The following CUX1 variants were observed in gnomAD, a reference collection of about 807,000 sequenced individuals.
The protein encoded by CUX1 is protein CASP.
A neutral mutation model predicts 158.8 loss-of-function variants in CUX1; 31 were observed. The observed-to-expected ratio is 0.20, with a 90% confidence interval of 0.15 to 0.26. The LOEUF is 0.26. CUX1 is among the 10% of genes least tolerant of loss of function. The probability of loss-of-function intolerance (pLI) is 1.00; values close to 1 mark genes in which losing one functional copy is unlikely to be tolerated. For synonymous variants in CUX1, 879 were observed against 862.1 expected, an observed-to-expected ratio of 1.02 and a Z score of -0.34; for missense variants, 1,589 against 2,014.6, an observed-to-expected ratio of 0.79 and a Z score of 4.04.
chr7:102,237,516 G>T (rs1489502899), intron 22 of CUX1, among the ~76,000 whole-genome samples: 1 of 152,034 alleles, frequency 6.6e-6, no homozygotes, highest in Non-Finnish European at 1.5e-5. Flanking sequence ...TCCTAGGCTC[G>T]AGCAATCCTC....
Position 102,255,083 on chromosome 7 carries a change from G to A in CUX1, c.*6041G>A. Reference sequence around the variant, plus strand: ...CCCCAGCCCTACTCCCGGCCCCCCAGCCCAGTCTTCCCAATCCCAGAGGCC... The same window carrying A: ...CCCCAGCCCTACTCCCGGCCCCCCAACCCAGTCTTCCCAATCCCAGAGGCC... On this transcript the variant is annotated 3_prime_UTR_variant, in exon 24 of 24. Transcript: ENST00000292535. 1 of 985,426 alleles carries A rather than the reference G, an allele frequency of 1.0e-6. No homozygotes were observed. The highest frequency in any genetic ancestry group is 1.2e-6 in the Non-Finnish European group (1 of 830,016). The allele number at this position is 985,426 out of a possible 1,614,324, so 61.0% of individuals were successfully genotyped here.
chr7:102,184,178 G>A (rs574216993), intron 11 of CUX1, among the ~76,000 whole-genome samples: 40 of 152,276 alleles, frequency 2.6e-4, no homozygotes, highest in African/African-American at 8.2e-4. Context: ...GGTTACAGGC[G>A]TGAAACACCA....
chr7:101,953,514 CA>C (rs1809363528), intron 2 of CUX1, among the ~76,000 whole-genome samples: 1 of 152,156 alleles, frequency 6.6e-6, no homozygotes, highest in South Asian at 2.1e-4. Context: ...TTGTAGGAAT[CA>C]GGGGAGAGGA....
intron 21 of CUX1, among the ~76,000 whole-genome samples, 170 bp from the exon 22 acceptor site, chr7:102,233,882 G>A (rs548863655): frequency 9.2e-5 from 14 of 152,300 alleles, no homozygotes; most frequent in Admixed American, 1.3e-4. Flanking sequence ...AGTATTATAA[G>A]TCTGGTTGAA....
chr7:102,104,240 C>A, intron 5 of CUX1, 96 bp from the exon 6 acceptor site: 1 of 1,251,872 alleles, frequency 8.0e-7, no homozygotes, highest in Non-Finnish European at 1.1e-6. Flanking sequence ...AGGTTTAAAA[C>A]ACACCGATCC....
chr7:101,826,271 T>TC (rs1356912256), intron 1 of CUX1, among the ~76,000 whole-genome samples: 2 of 152,088 alleles, frequency 1.3e-5, no homozygotes, highest in African/African-American at 2.4e-5. Context: ...AGATCATAGT[T>TC]CACTGAAGCC....
At position 102,250,066 on chromosome 7, in the gene CUX1, A is replaced by G. The variant is rs1801335011; in HGVS notation, c.*1024A>G. On this transcript the variant is annotated 3_prime_UTR_variant, in exon 24 of 24. Coordinates refer to ENST00000292535, the MANE Select transcript of CUX1 (RefSeq NM_181552.4). Reference sequence around the variant, plus strand: ...GACAAAAAAAAGAAAAAAAAAGAAAAAAAAAAAAGAAAAGATCCGAATCTA... The same window carrying G: ...GACAAAAAAAAGAAAAAAAAAGAAAGAAAAAAAAGAAAAGATCCGAATCTA... The G allele has an allele frequency of 6.4e-5, 63 of 985,018 alleles. No homozygotes were observed. Among genetic ancestry groups the G allele is most frequent in the Middle Eastern group, 5.2e-4 (1 of 1,912 alleles). The allele number at this position is 985,018 out of a possible 1,614,324, so 61.0% of individuals were successfully genotyped here.
At chr7:102,101,520 T>C (rs1160413937) in intron 5 of CUX1, among the ~76,000 whole-genome samples, 1 of 152,172 alleles carries the variant, frequency 6.6e-6, no homozygotes, top group Non-Finnish European at 1.5e-5. Context: ...CACAGCACAC[T>C]GTCGAGGTCA....
At position 102,146,296 on chromosome 7, in the gene CUX1, C is replaced by T. The variant is rs138418649; in HGVS notation, c.675-12264C>T. Among the ~76,000 whole-genome samples the T allele has an allele frequency of 2.7e-3, 417 of 152,280 alleles. 3 individuals carry two copies. Among genetic ancestry groups the T allele is most frequent in the Middle Eastern group, 0.027 (8 of 294 alleles). On this transcript the variant is annotated intron_variant, in intron 8 of 23. Coordinates refer to ENST00000292535, the MANE Select transcript of CUX1 (RefSeq NM_181552.4). ...TCCCTGCCTGGAGATGACTGAAGCC[C>T]GAGTGACAGTCACAGGCTGTTCCCG...
intron 20 of CUX1, among the ~76,000 whole-genome samples, chr7:102,211,822 G>C (rs1231234700): frequency 6.7e-6 from 1 of 150,288 alleles, no homozygotes; most frequent in African/African-American, 2.4e-5. Context: ...GATCTCGGCT[G>C]AGCTAAGATG....
intron 1 of CUX1, among the ~76,000 whole-genome samples, chr7:101,911,295 C>T (rs1200171361): frequency 6.6e-6 from 1 of 152,212 alleles, no homozygotes; most frequent in East Asian, 1.9e-4. Flanking sequence ...ATGACCTGAG[C>T]CTTGGTCTTG....
intron 23 of CUX1, among the ~76,000 whole-genome samples, chr7:102,242,797 G>A (rs947631844): frequency 6.6e-6 from 1 of 152,202 alleles, no homozygotes; most frequent in Non-Finnish European, 1.5e-5. Flanking sequence ...TCAGTTTGCT[G>A]CTTGTCTTGC....
At chr7:101,896,685 AT>A (rs1390925443) in intron 1 of CUX1, among the ~76,000 whole-genome samples, 1 of 152,228 alleles carries the variant, frequency 6.6e-6, no homozygotes, top group Non-Finnish European at 1.5e-5. Context: ...AACTTGATGA[AT>A]TCTCAGTCAT....
At chr7:102,039,538 C>G (rs562199853) in intron 3 of CUX1, among the ~76,000 whole-genome samples, 2 of 152,054 alleles carry the variant, frequency 1.3e-5, no homozygotes, top group African/African-American at 4.8e-5. Context: ...ACCTGTAGTC[C>G]CAGCTACTTG....
intron 22 of CUX1, among the ~76,000 whole-genome samples, chr7:102,237,391 C>T (rs1799682616): frequency 6.6e-6 from 1 of 152,082 alleles, no homozygotes; most frequent in South Asian, 2.1e-4. Flanking sequence ...TCAAGTGATC[C>T]TCCCATCCCA....
At chr7:102,109,457 T>G (rs1453219359) in intron 6 of CUX1, among the ~76,000 whole-genome samples, 1 of 152,160 alleles carries the variant, frequency 6.6e-6, no homozygotes, top group Non-Finnish European at 1.5e-5. Flanking sequence ...TTGGTGAAAG[T>G]TTTTTGTTGG....
intron 2 of CUX1, among the ~76,000 whole-genome samples, chr7:101,996,725 C>T (rs1156784213): frequency 1.4e-5 from 2 of 139,740 alleles, no homozygotes. Context: ...TTACTTCCTT[C>T]CTCTCTTCCT....
intron 3 of CUX1, among the ~76,000 whole-genome samples, chr7:102,057,909 A>G (rs766337166): frequency 3.3e-5 from 5 of 152,212 alleles, no homozygotes; most frequent in African/African-American, 4.8e-5. Context: ...TCAAACAGCA[A>G]TGCATGATAC....
At chr7:102,118,004 T>G (rs145732813) in intron 8 of CUX1, among the ~76,000 whole-genome samples, 240 of 152,320 alleles carry the variant, frequency 1.6e-3, no homozygotes, top group Non-Finnish European at 2.6e-3. Flanking sequence ...CTTGGCTACT[T>G]TCTTTTAACT....
Sources: gnomAD v4.1 joint callset for allele counts (sites outside exome capture counted in the v4.1 genomes callset) on GRCh38, gnomAD v4.1.1 for gene constraint, MANE v1.5 for transcripts, NCBI Gene and HGNC (gene_info 2026-07-23, HGNC 2026-07-21) for gene names.